PRELID2: variants seen among roughly 807,000 people sequenced by gnomAD.
PRELID2 encodes PRELI domain containing 2.
In PRELID2, 25 loss-of-function variants were observed where a neutral mutation model predicts 28.4. That is an observed-to-expected ratio of 0.88 (90% CI 0.64 to 1.23). PRELID2 has a LOEUF of 1.23. PRELID2 is among the 50% of genes most tolerant of loss of function. The pLI is 0.00. For synonymous variants in PRELID2, 76 were observed against 71.6 expected (o/e 1.06, Z -0.31); for missense variants, 201 against 214.4 (o/e 0.94, Z 0.39).
chr5:145,724,916 A>T (rs28633973), intron 1 of PRELID2, among the ~76,000 whole-genome samples: 1 of 150,930 alleles, frequency 6.6e-6, no homozygotes, highest in African/African-American at 2.4e-5. Context: ...CTAATTTTTT[A>T]AATTTTTGTA....
downstream of PRELID2, among the ~76,000 whole-genome samples, chr5:145,753,890 C>T (rs1757190756): frequency 1.3e-5 from 2 of 152,088 alleles, no homozygotes; most frequent in Non-Finnish European, 2.9e-5. Flanking sequence ...GAGTCGCTAC[C>T]ACAGTGACTT....
At chr5:145,308,343 A>G in the PRELID2 span, among the ~76,000 whole-genome samples, 1 of 152,246 alleles carries the variant, frequency 6.6e-6, no homozygotes, top group Non-Finnish European at 1.5e-5. Context: ...GGAAAGAATC[A>G]TCAATCTTCT....
chr5:145,653,013 A>G (rs1207468757), intron 1 of PRELID2, among the ~76,000 whole-genome samples: 2 of 152,210 alleles, frequency 1.3e-5, no homozygotes, highest in African/African-American at 2.4e-5. Context: ...CCCATCTCAC[A>G]TGCAGAGACA....
chr5:145,660,242 C>T (rs1206405280), intron 1 of PRELID2, among the ~76,000 whole-genome samples: 2 of 152,090 alleles, frequency 1.3e-5, no homozygotes, highest in Non-Finnish European at 2.9e-5. Flanking sequence ...GAAGAGACAT[C>T]CTGGGAAACA....
intron 1 of PRELID2, among the ~76,000 whole-genome samples, chr5:145,583,941 T>C (rs1753129771): frequency 6.6e-6 from 1 of 152,128 alleles, no homozygotes; most frequent in African/African-American, 2.4e-5. Context: ...AATTCTATTT[T>C]AAAATTCATC....
At chr5:145,282,810 C>T in the PRELID2 span, among the ~76,000 whole-genome samples, 4 of 152,166 alleles carry the variant, frequency 2.6e-5, no homozygotes, top group Admixed American at 1.3e-4. Context: ...TGAGCCACCA[C>T]GCCCTAGCAG....
chr5:145,643,273 T>C (rs1324784715), intron 1 of PRELID2, among the ~76,000 whole-genome samples: 1 of 152,174 alleles, frequency 6.6e-6, no homozygotes, highest in African/African-American at 2.4e-5. Context: ...ATTCTCTTAG[T>C]AGCAATTGTA....
At chr5:145,264,969 T>TAAAAAAAAAAAAAAAAAAAA in the PRELID2 span, among the ~76,000 whole-genome samples, 1 of 56,880 alleles carries the variant, frequency 1.8e-5, no homozygotes, top group Non-Finnish European at 3.7e-5. Flanking sequence ...AGTGCAACTC[T>TAAAAAAAAAAAAAAAAAAAA]AAAAAAAAAA....
chr5:145,614,296 A>G (rs944784992), intron 1 of PRELID2, among the ~76,000 whole-genome samples: 8 of 152,168 alleles, frequency 5.3e-5, no homozygotes, highest in African/African-American at 1.9e-4. Flanking sequence ...TGCTTTGGCT[A>G]TGCGGACTCC....
At chr5:145,294,236 T>C in the PRELID2 span, among the ~76,000 whole-genome samples, 1 of 152,164 alleles carries the variant, frequency 6.6e-6, no homozygotes, top group Non-Finnish European at 1.5e-5. Flanking sequence ...CATTTCATTA[T>C]TATTATTATT....
At chr5:145,744,683 C>A (rs1300595258) in intron 1 of PRELID2, among the ~76,000 whole-genome samples, 1 of 152,042 alleles carries the variant, frequency 6.6e-6, no homozygotes, top group Non-Finnish European at 1.5e-5. Flanking sequence ...AACAGAAAGG[C>A]CGCACAAAAA....
rs548358612 is a variant in PRELID2 at position 145,504,428 on chromosome 5, G to A, written n.71-31113C>T. On this transcript the variant is annotated intron_variant and non_coding_transcript_variant, in intron 1 of 2. Transcript: ENST00000510259. Reference sequence around the variant, plus strand: ...CACATAGTATTTTCATTTGATCTTCGCCAAAAGGCTGAGAAGCGATACACA... The same window carrying A: ...CACATAGTATTTTCATTTGATCTTCACCAAAAGGCTGAGAAGCGATACACA... Among the ~76,000 whole-genome samples, 17 of 152,146 alleles carry A rather than the reference G, an allele frequency of 1.1e-4. No homozygotes were observed. In the South Asian group the frequency reaches 3.5e-3, roughly 32 times the overall value.
At chr5:145,314,984 T>C in the PRELID2 span, among the ~76,000 whole-genome samples, 2 of 151,946 alleles carry the variant, frequency 1.3e-5, no homozygotes, top group Non-Finnish European at 2.9e-5. Flanking sequence ...TTTTGTTTTT[T>C]GATCTTAAAA....
chr5:145,649,060 A>G (rs549281460), intron 1 of PRELID2, among the ~76,000 whole-genome samples: 2 of 152,200 alleles, frequency 1.3e-5, no homozygotes, highest in African/African-American at 4.8e-5. Flanking sequence ...TTTGCATTCA[A>G]TCAATCACAG....
At chr5:145,517,339 C>T (rs1416233597) in intron 1 of PRELID2, among the ~76,000 whole-genome samples, 1 of 151,792 alleles carries the variant, frequency 6.6e-6, no homozygotes, top group Non-Finnish European at 1.5e-5. Flanking sequence ...AAGATATGAA[C>T]AGACACTTCT....
intron 1 of PRELID2, among the ~76,000 whole-genome samples, chr5:145,653,481 T>C (rs1056307872): frequency 3.3e-5 from 5 of 152,176 alleles, no homozygotes; most frequent in African/African-American, 1.2e-4. Context: ...TATTCCAAAA[T>C]TGACCACATA....
At chr5:145,499,920 G>C (rs1030898551) in intron 1 of PRELID2, among the ~76,000 whole-genome samples, 1 of 152,174 alleles carries the variant, frequency 6.6e-6, no homozygotes, top group African/African-American at 2.4e-5. Context: ...TGAGCTTTGC[G>C]CACACCTACC....
At chr5:145,448,117 A>T in the PRELID2 span, among the ~76,000 whole-genome samples, 36 of 152,146 alleles carry the variant, frequency 2.4e-4, no homozygotes, top group Admixed American at 9.2e-4. Flanking sequence ...ATTTGTCCAC[A>T]TCCTCTCCAG....
At chr5:145,784,786 GTTT>G (rs5871943) in intron 5 of PRELID2, among the ~76,000 whole-genome samples, 71 of 144,000 alleles carry the variant, frequency 4.9e-4, no homozygotes, top group African/African-American at 1.7e-3. Context: ...TCCCAACTTT[GTTT>G]TTTTTTTTTT....
Sources: gnomAD v4.1 joint callset for allele counts (sites outside exome capture counted in the v4.1 genomes callset) on GRCh38, gnomAD v4.1.1 for gene constraint, MANE v1.5 for transcripts, NCBI Gene and HGNC (gene_info 2026-07-23, HGNC 2026-07-21) for gene names.